IGSF21: variants seen among roughly 807,000 people sequenced by gnomAD.
IGSF21 encodes the protein immunoglobulin superfamily member 21.
Under a neutral mutation model 46.8 loss-of-function variants are expected in IGSF21, and 28 were observed. The observed-to-expected ratio is 0.60, with a 90% CI of 0.44 to 0.82. The LOEUF (loss-of-function observed/expected upper bound fraction) is 0.82. IGSF21 is among the 40% of genes least tolerant of loss of function. The probability of loss-of-function intolerance (pLI) is 0.00; values close to 1 mark genes in which losing one functional copy is unlikely to be tolerated. For missense variants in IGSF21, 624 were observed against 665.5 expected, an observed-to-expected ratio of 0.94 and a Z score of 0.69; for synonymous variants, 284 against 273.6, an observed-to-expected ratio of 1.04 and a Z score of -0.38.
intron 3 of IGSF21, among the ~76,000 whole-genome samples, chr1:18,316,020 C>T (rs72655188): frequency 0.24 from 35,899 of 151,878 alleles, 4,466 homozygotes; most frequent in African/African-American, 0.27. Context: ...AAGCCCCGGC[C>T]ATGCTCCAGT....
intron 3 of IGSF21, among the ~76,000 whole-genome samples, chr1:18,323,181 A>G (rs530502325): frequency 2.6e-5 from 4 of 152,154 alleles, no homozygotes; most frequent in African/African-American, 9.7e-5. Context: ...ACATTGGAAA[A>G]AGGTTCCTAC....
chr1:18,157,404 G>A (rs1043087931), intron 1 of IGSF21, among the ~76,000 whole-genome samples: 12 of 152,148 alleles, frequency 7.9e-5, no homozygotes, highest in Admixed American at 3.9e-4. Flanking sequence ...ACTGCTCCCC[G>A]CCAATCCCCT....
In IGSF21 at chr1:18,378,324, T is replaced by C; in HGVS notation, c.1402T>C (p.Ter468ArgextTer30). The change falls in exon 10 of 10, where the codon TGA (stop) becomes CGA (arginine). Residue 468 changes from the stop codon to arginine (R), a stop_lost. Coordinates refer to ENST00000251296, the MANE Select transcript of IGSF21 (RefSeq NM_032880.5). ...LALTVILELT[*>R] ...CCTGACAGTGATTCTGGAGCTGACG[T>C]GAAGGCACCCGCCCCGGCCACTCCA... 6.2e-7 allele frequency: 1 copy of C among 1,612,276 alleles called. No individual in the cohort carries two copies. The highest frequency in any genetic ancestry group is 8.5e-7 in the Non-Finnish European group (1 of 1,178,912).
chr1:18,314,186 C>T (rs1460331452), intron 3 of IGSF21, among the ~76,000 whole-genome samples: 3 of 152,174 alleles, frequency 2.0e-5, no homozygotes, highest in Admixed American at 6.5e-5. Flanking sequence ...ACTCTATAAA[C>T]ATTAAATTGA....
intron 3 of IGSF21, among the ~76,000 whole-genome samples, chr1:18,328,492 C>A (rs1165998966): frequency 4.6e-5 from 7 of 152,170 alleles, no homozygotes; most frequent in Admixed American, 3.9e-4. Context: ...CATTGTGAGT[C>A]GGGGACCTTC....
At chr1:18,192,307 G>C (rs1037212792) in intron 1 of IGSF21, among the ~76,000 whole-genome samples, 50 of 152,340 alleles carry the variant, frequency 3.3e-4, no homozygotes, top group African/African-American at 1.2e-3. Flanking sequence ...GCTCTGGGCC[G>C]GGTCTCTGGA....
intron 1 of IGSF21, among the ~76,000 whole-genome samples, chr1:18,134,661 C>T (rs1196283944): frequency 2.0e-5 from 3 of 152,176 alleles, no homozygotes; most frequent in African/African-American, 7.2e-5. Flanking sequence ...CCCCTCTTCC[C>T]CACCACAGCA....
At chr1:18,225,064 C>T (rs1283940547) in intron 1 of IGSF21, among the ~76,000 whole-genome samples, 1 of 49,036 alleles carries the variant, frequency 2.0e-5, no homozygotes, top group Non-Finnish European at 3.7e-5. Context: ...GACTCTGTAT[C>T]TCTCTCTCTC....
chr1:18,309,332 GC>G (rs112612261), intron 3 of IGSF21, among the ~76,000 whole-genome samples: 1 of 152,090 alleles, frequency 6.6e-6, no homozygotes, highest in African/African-American at 2.4e-5. Context: ...CAAGCCAAGT[GC>G]ACTTACATGT....
chr1:18,150,076 A>AG (rs2086507801), intron 1 of IGSF21, among the ~76,000 whole-genome samples: 1 of 152,046 alleles, frequency 6.6e-6, no homozygotes, highest in African/African-American at 2.4e-5. Flanking sequence ...TAACAGAGGG[A>AG]GGCTCTGTCT....
intron 1 of IGSF21, among the ~76,000 whole-genome samples, chr1:18,128,513 C>T (rs1197527924): frequency 6.6e-6 from 1 of 152,188 alleles, no homozygotes. Context: ...ACTGGTAATT[C>T]CCTCCCACCA....
intron 2 of IGSF21, among the ~76,000 whole-genome samples, chr1:18,243,482 A>G (rs1333973746): frequency 2.0e-5 from 3 of 151,990 alleles, no homozygotes; most frequent in Non-Finnish European, 4.4e-5. Flanking sequence ...CTCTATCACT[A>G]CTTCAAGTCA....
chr1:18,305,522 A>ATGGC (rs2085415378), intron 3 of IGSF21, among the ~76,000 whole-genome samples: 1 of 136,738 alleles, frequency 7.3e-6, no homozygotes, highest in Non-Finnish European at 1.6e-5. Flanking sequence ...GAATGGATGG[A>ATGGC]TGGATTATGA....
rs80289364 is a variant in IGSF21 at position 18,294,896 on chromosome 1, C to T, written c.305+2909C>T. Among the ~76,000 whole-genome samples the T allele has an allele frequency of 8.7e-3, 1,319 of 152,356 alleles. 20 individuals are homozygous for T. The highest frequency in any genetic ancestry group is 0.027 in the African/African-American group (1,123 of 41,588). ...AGCCCCATCAGGGCTGGCGACGGGG[C>T]GCGGGACTCCGCATTTACATATAAA... On this transcript the variant is annotated intron_variant, in intron 3 of 9. Transcript: ENST00000251296.
intron 1 of IGSF21, among the ~76,000 whole-genome samples, chr1:18,130,548 C>A (rs959550458): frequency 7.9e-5 from 12 of 152,146 alleles, no homozygotes; most frequent in African/African-American, 2.9e-4. Context: ...TCAGTAGCCC[C>A]TGTGACATAA....
At chr1:18,175,799 C>T (rs2086789448) in intron 1 of IGSF21, among the ~76,000 whole-genome samples, 2 of 152,212 alleles carry the variant, frequency 1.3e-5, no homozygotes, top group Admixed American at 1.3e-4. Flanking sequence ...AAGCCCAGAG[C>T]AAGGCAGAGG....
chr1:18,316,710 C>T (rs978238254), intron 3 of IGSF21, among the ~76,000 whole-genome samples: 1 of 152,198 alleles, frequency 6.6e-6, no homozygotes, highest in Non-Finnish European at 1.5e-5. Flanking sequence ...TTAGACCTCT[C>T]TGTGCCTCAG....
At chr1:18,239,589 G>C (rs1444518956) in intron 2 of IGSF21, among the ~76,000 whole-genome samples, 1 of 152,126 alleles carries the variant, frequency 6.6e-6, no homozygotes, top group Non-Finnish European at 1.5e-5. Flanking sequence ...GTTCCCAAAT[G>C]GGCCCACCAT....
At chr1:18,215,320 C>G (rs1033270169) in intron 1 of IGSF21, among the ~76,000 whole-genome samples, 2 of 152,298 alleles carry the variant, frequency 1.3e-5, no homozygotes, top group Middle Eastern at 3.4e-3. Context: ...ACACGCAAAG[C>G]ACTAAGAATG....
Sources: allele counts gnomAD v4.1 joint callset (sites outside exome capture counted in the v4.1 genomes callset), GRCh38; gene constraint gnomAD v4.1.1; transcripts MANE v1.5; gene names NCBI Gene and HGNC (gene_info 2026-07-23, HGNC 2026-07-21).